Variants in FRMD4A observed in about 807,000 individuals in gnomAD.
The protein encoded by FRMD4A is FERM domain containing 4A, also known as FERM domain-containing protein 4A.
FRMD4A carries 29 observed loss-of-function variants against 129.1 expected under a neutral mutation model. The observed-to-expected ratio is 0.22, with a 90% CI of 0.17 to 0.31. The LOEUF (loss-of-function observed/expected upper bound fraction) is 0.31. Among genes scored for constraint, FRMD4A ranks in the 10% least tolerant of loss-of-function variants. The pLI is 1.00. For missense variants in FRMD4A, 1,272 were observed against 1,375.8 expected (o/e 0.92, Z 1.19); for synonymous variants, 634 against 571.6 (o/e 1.11, Z -1.56).
At chr10:13,738,233 C>T (rs776661676) in intron 11 of FRMD4A, among the ~76,000 whole-genome samples, 7 of 152,204 alleles carry the variant, frequency 4.6e-5, no homozygotes, top group Non-Finnish European at 8.8e-5. Flanking sequence ...CGCTCTCTCT[C>T]TCTCTTTTTT....
intron 2 of FRMD4A, among the ~76,000 whole-genome samples, chr10:14,160,349 C>T (rs1291286947): frequency 6.6e-6 from 1 of 151,916 alleles, no homozygotes; most frequent in East Asian, 1.9e-4. Flanking sequence ...TAGAAGAAAA[C>T]AGGGGAAACA....
At chr10:13,654,372 C>T in intron 23 of FRMD4A, 44 bp downstream of exon 23, 5 of 1,190,300 alleles carry the variant, frequency 4.2e-6, no homozygotes, top group South Asian at 1.3e-5. Flanking sequence ...GTCTATGACA[C>T]TCTTTCGAGC....
At chr10:13,989,051 T>C (rs7911259) in intron 2 of FRMD4A, among the ~76,000 whole-genome samples, 51,877 of 151,700 alleles carry the variant, frequency 0.34, 9,533 homozygotes, top group East Asian at 0.72. Flanking sequence ...TTGTCAATTA[T>C]GGAAATCTTT....
intron 2 of FRMD4A, among the ~76,000 whole-genome samples, chr10:14,206,987 T>C (rs1371417635): frequency 6.6e-6 from 1 of 152,036 alleles, no homozygotes; most frequent in African/African-American, 2.4e-5. Flanking sequence ...TTGGACCTAA[T>C]ACCTCTACTA....
At chr10:14,306,800 G>A (rs984991856) in intron 2 of FRMD4A, among the ~76,000 whole-genome samples, 3 of 152,156 alleles carry the variant, frequency 2.0e-5, no homozygotes, top group African/African-American at 7.2e-5. Context: ...TCTTGAAAAG[G>A]TAAAATGATT....
In FRMD4A at chr10:13,742,990, A is replaced by G. The variant is rs141056985; in HGVS notation, c.549-2413T>C. Reference sequence around the variant, plus strand: ...ATGACTACCTTAACCTCCAACTAGTATCTTTTAATTTTAATACTCTGGAAT... The same window carrying G: ...ATGACTACCTTAACCTCCAACTAGTGTCTTTTAATTTTAATACTCTGGAAT... On this transcript the variant is annotated intron_variant, in intron 9 of 24. Coordinates refer to ENST00000357447, the MANE Select transcript of FRMD4A (RefSeq NM_018027.5). 1.2e-4 allele frequency among the ~76,000 whole-genome samples: 18 copies of G among 152,340 alleles called. No homozygotes were observed. In the South Asian group the frequency reaches 3.3e-3, roughly 28 times the overall value.
intron 10 of FRMD4A, 111 bp from the exon 11 acceptor site, chr10:13,740,362 C>T (rs771828410): frequency 3.7e-5 from 34 of 907,882 alleles, no homozygotes; most frequent in Non-Finnish European, 6.1e-5. Flanking sequence ...TGATAAAGTT[C>T]TCGGAGTGAT....
intron 2 of FRMD4A, among the ~76,000 whole-genome samples, chr10:14,173,703 G>A (rs1841590304): frequency 1.3e-5 from 2 of 152,102 alleles, no homozygotes; most frequent in South Asian, 2.1e-4. Flanking sequence ...AGCTCCGAGG[G>A]CTGCACGGCC....
chr10:13,882,937 G>A (rs939529764), intron 2 of FRMD4A, among the ~76,000 whole-genome samples: 7 of 151,752 alleles, frequency 4.6e-5, no homozygotes, highest in African/African-American at 9.7e-5. Context: ...CCAAGTAGCC[G>A]GGACTACTGG....
intron 2 of FRMD4A, among the ~76,000 whole-genome samples, chr10:13,884,110 A>T (rs865841783): frequency 2.0e-5 from 2 of 99,182 alleles, no homozygotes; most frequent in African/African-American, 4.1e-5. Flanking sequence ...AGAAACACAC[A>T]CACACACACA....
intron 22 of FRMD4A, 41 bp from the exon 23 acceptor site, chr10:13,654,553 G>T (rs1379791491): frequency 1.5e-6 from 2 of 1,322,120 alleles, no homozygotes; most frequent in African/African-American, 1.4e-5. Context: ...AGCAGACAGG[G>T]ATCAGACACA....
chr10:14,016,817 G>T (rs1391184614), intron 2 of FRMD4A, among the ~76,000 whole-genome samples: 1 of 152,186 alleles, frequency 6.6e-6, no homozygotes, highest in Non-Finnish European at 1.5e-5. Context: ...TTCTGGCAAG[G>T]ATCTAGCCAT....
intron 15 of FRMD4A, among the ~76,000 whole-genome samples, chr10:13,687,095 A>T (rs1447373905): frequency 6.6e-6 from 1 of 152,202 alleles, no homozygotes; most frequent in African/African-American, 2.4e-5. Context: ...GTTCGAGACC[A>T]TCCTGGCCAA....
At chr10:13,881,976 T>G (rs2094550528) in intron 2 of FRMD4A, among the ~76,000 whole-genome samples, 1 of 148,600 alleles carries the variant, frequency 6.7e-6, no homozygotes, top group Non-Finnish European at 1.5e-5. Flanking sequence ...CAAATGTGCT[T>G]GGGGAGAGGC....
rs1350557600 is a variant in FRMD4A at position 14,330,729 on chromosome 10, C to T, written c.-214G>A. 2.3e-5 allele frequency: 9 copies of T among 398,820 alleles called. No individual in the cohort carries two copies. Among genetic ancestry groups the T allele is most frequent in the Admixed American group, 8.8e-5 (2 of 22,784 alleles). 24.7% of individuals were successfully genotyped at this position (398,820 alleles called of 1,614,324 possible). A position where few individuals can be genotyped will look rare whatever the true frequency, so the allele number is the denominator to read the frequency against. On this transcript the variant is annotated 5_prime_UTR_variant, in exon 1 of 25. Coordinates refer to ENST00000357447, the MANE Select transcript of FRMD4A (RefSeq NM_018027.5). ...CAGTCACTGGAGATCAGCAAATGCCCTTACCATCCCCGAGGAGGAAGTCAC... is the reference window on the plus strand; with the variant it reads ...CAGTCACTGGAGATCAGCAAATGCCTTTACCATCCCCGAGGAGGAAGTCAC...
At chr10:13,980,557 C>T (rs1399122801) in intron 2 of FRMD4A, among the ~76,000 whole-genome samples, 2 of 151,912 alleles carry the variant, frequency 1.3e-5, no homozygotes, top group Non-Finnish European at 2.9e-5. Context: ...TAGAAAGACC[C>T]CATCTCTACA....
chr10:13,910,085 T>C (rs2094926117), intron 2 of FRMD4A, among the ~76,000 whole-genome samples: 2 of 152,256 alleles, frequency 1.3e-5, no homozygotes, highest in Admixed American at 1.3e-4. Context: ...CACGGCTTTG[T>C]AATGTGACTG....
intron 12 of FRMD4A, among the ~76,000 whole-genome samples, chr10:13,725,968 G>A (rs554956233): frequency 9.7e-4 from 148 of 152,352 alleles, no homozygotes; most frequent in African/African-American, 3.4e-3. Context: ...GAGGCACAGG[G>A]AGGTTAAATA....
chr10:14,114,485 A>C (rs762219546), intron 2 of FRMD4A, among the ~76,000 whole-genome samples: 1 of 152,220 alleles, frequency 6.6e-6, no homozygotes, highest in Non-Finnish European at 1.5e-5. Context: ...CCATAATTCT[A>C]ATAAGCCCAT....
Sources: gnomAD v4.1 joint callset for allele counts (sites outside exome capture counted in the v4.1 genomes callset) on GRCh38, gnomAD v4.1.1 for gene constraint, MANE v1.5 for transcripts, NCBI Gene and HGNC (gene_info 2026-07-23, HGNC 2026-07-21) for gene names.